Variants in SPTBN4 observed in about 807,000 individuals in gnomAD.
SPTBN4 encodes the protein spectrin beta, non-erythrocytic 4.
Under a neutral mutation model 277.8 loss-of-function variants are expected in SPTBN4, and 96 were observed. That is an observed-to-expected ratio of 0.35 (90% CI 0.29 to 0.41). The LOEUF is 0.41. Ranked by LOEUF, SPTBN4 falls within the 10% of genes least tolerant of loss-of-function variation. The probability of loss-of-function intolerance (pLI) is 1.00; values close to 1 mark genes in which losing one functional copy is unlikely to be tolerated. For synonymous variants in SPTBN4, 1,481 were observed against 1,580.3 expected, an observed-to-expected ratio of 0.94 and a Z score of 1.49; for missense variants, 3,006 against 3,595.7, an observed-to-expected ratio of 0.84 and a Z score of 4.19.
intron 22 of SPTBN4, among the ~76,000 whole-genome samples, chr19:40,552,795 G>A (rs1030668977): frequency 5.3e-5 from 8 of 152,294 alleles, no homozygotes; most frequent in Non-Finnish European, 8.8e-5. Context: ...GCTTATCGTT[G>A]TCATGGTTGA....
intron 27 of SPTBN4, among the ~76,000 whole-genome samples, chr19:40,562,542 A>AAC (rs1436543667): frequency 6.7e-6 from 1 of 148,490 alleles, no homozygotes; most frequent in Admixed American, 6.7e-5. Context: ...AAAAAAAAAA[A>AAC]AAAAAAAAAA....
rs56723128 is a variant in SPTBN4 at position 40,471,906 on chromosome 19, T to C, written c.-15-701T>C. 3.7e-3 allele frequency among the ~76,000 whole-genome samples: 100 copies of C among 27,150 alleles called. 2 individuals are homozygous for C. The highest frequency in any genetic ancestry group is 0.011 in the African/African-American group (29 of 2,600). 17.8% of individuals were successfully genotyped at this position (27,150 alleles called of 152,430 possible). A position where few individuals can be genotyped will look rare whatever the true frequency, so the allele number is the denominator to read the frequency against. On this transcript the variant is annotated intron_variant, in intron 1 of 35. Coordinates refer to ENST00000598249, the MANE Select transcript of SPTBN4 (RefSeq NM_020971.3). ...GGCACGTTGCCACCACATCCAGCTA[T>C]TTTTTTTTTTTTTTTTTTTTTGAGA... is the stretch of plus-strand genomic sequence containing the variant.
At position 40,524,406 on chromosome 19, in the gene SPTBN4, C is replaced by G. The variant is rs2080565497; in HGVS notation, c.3857+767C>G. The G allele has an allele frequency of 3.1e-5, 8 of 259,868 alleles. No individual in the cohort carries two copies. In the Admixed American group the frequency reaches 4.1e-4, roughly 13 times the overall value. The allele number at this position is 259,868 out of a possible 1,614,324, so 16.1% of individuals were successfully genotyped here. ...CCTGTAGTCCCAGCTACTCTTGAGG[C>G]TGAGATGGGAGGACTGTTTGAGTCC... is the stretch of plus-strand genomic sequence containing the variant. On this transcript the variant is annotated intron_variant, in intron 17 of 35. Coordinates refer to ENST00000598249, the MANE Select transcript of SPTBN4 (RefSeq NM_020971.3).
chr19:40,498,439 T>C (rs549828480), intron 7 of SPTBN4, among the ~76,000 whole-genome samples: 13 of 151,736 alleles, frequency 8.6e-5, no homozygotes, highest in Non-Finnish European at 1.8e-4. Flanking sequence ...GGAGTCTCAC[T>C]CTGTCGCCCA....
At chr19:40,516,016 C>CATATATGTAT (rs1568798653) in intron 15 of SPTBN4, among the ~76,000 whole-genome samples, 3 of 135,204 alleles carry the variant, frequency 2.2e-5, no homozygotes, top group South Asian at 2.5e-4. Flanking sequence ...TATATACACA[C>CATATATGTAT]ATATACGTAT....
In SPTBN4 at chr19:40,501,913, G is replaced by A; in HGVS notation, c.785-8G>A. 6.2e-7 allele frequency: 1 copy of A among 1,613,356 alleles called. No homozygotes were observed. Among genetic ancestry groups the A allele is most frequent in the Non-Finnish European group, 8.5e-7 (1 of 1,179,392 alleles). The stretch of plus-strand genomic sequence containing the variant: ...CTGTCTTGTTTCCCCACTCCCTCTT[G>A]CTTCCAGATGTGAACATGGAGGCTC... On this transcript the variant is annotated splice_polypyrimidine_tract_variant and splice_region_variant and intron_variant, in intron 7 of 35. Transcript: ENST00000598249.
At chr19:40,491,713 CA>C (rs35237688) in intron 4 of SPTBN4, among the ~76,000 whole-genome samples, 3,537 of 38,626 alleles carry the variant, frequency 0.092, 33 homozygotes, top group South Asian at 0.19. Flanking sequence ...GACTCTGTCT[CA>C]AAAAAAAAAA....
At chr19:40,468,140 C>T (rs189261585) in intron 1 of SPTBN4, among the ~76,000 whole-genome samples, 231 of 151,436 alleles carry the variant, frequency 1.5e-3, no homozygotes, top group Non-Finnish European at 2.7e-3. Context: ...TGTAATGGCG[C>T]GATCTTGGCT....
At chr19:40,532,496 C>T in intron 18 of SPTBN4, 129 bp from the exon 19 acceptor site, 1 of 1,221,798 alleles carries the variant, frequency 8.2e-7, no homozygotes, top group Non-Finnish European at 1.1e-6. Context: ...AAGGTTTTTT[C>T]ATCCTTTCCT....
intron 2 of SPTBN4, among the ~76,000 whole-genome samples, chr19:40,476,330 AG>A (rs1291575527): frequency 6.8e-6 from 1 of 146,156 alleles, no homozygotes; most frequent in Non-Finnish European, 1.5e-5. Flanking sequence ...GGGCGTCAAT[AG>A]CAAAACTCTG....
At chr19:40,468,530 C>T (rs2079851688) in intron 1 of SPTBN4, among the ~76,000 whole-genome samples, 1 of 152,236 alleles carries the variant, frequency 6.6e-6, no homozygotes, top group Non-Finnish European at 1.5e-5. Flanking sequence ...ACACGTGCCA[C>T]CACGCCTGGC....
intron 7 of SPTBN4, among the ~76,000 whole-genome samples, chr19:40,497,817 A>G (rs191159284): frequency 1.3e-3 from 186 of 142,802 alleles, no homozygotes; most frequent in Non-Finnish European, 2.0e-3. Flanking sequence ...CCATCCTCAC[A>G]CCTCTTCCTC....
chr19:40,497,968 C>G (rs1452058330), intron 7 of SPTBN4, among the ~76,000 whole-genome samples: 1 of 151,746 alleles, frequency 6.6e-6, no homozygotes, highest in Non-Finnish European at 1.5e-5. Flanking sequence ...GCCCCAAACC[C>G]AGTGGCATCT....
At chr19:40,474,160 A>G (rs1338379788) in intron 2 of SPTBN4, among the ~76,000 whole-genome samples, 1 of 148,864 alleles carries the variant, frequency 6.7e-6, no homozygotes, top group African/African-American at 2.5e-5. Flanking sequence ...TCAAAAAAAA[A>G]AAAAAAAAAA....
intron 35 of SPTBN4, among the ~76,000 whole-genome samples, chr19:40,573,100 G>C (rs938331141): frequency 6.6e-6 from 1 of 152,188 alleles, no homozygotes; most frequent in African/African-American, 2.4e-5. Flanking sequence ...TTGAGCCCAG[G>C]ACTTCAAGAT....
chr19:40,556,402 G>A, intron 25 of SPTBN4, 114 bp downstream of exon 25: 1 of 943,278 alleles, frequency 1.1e-6, no homozygotes, highest in Non-Finnish European at 1.6e-6. Flanking sequence ...TGGCTCTGCT[G>A]TGAGACAAAT....
intron 20 of SPTBN4, among the ~76,000 whole-genome samples, chr19:40,547,284 G>C (rs1236855065): frequency 1.3e-5 from 2 of 150,102 alleles, no homozygotes; most frequent in Non-Finnish European, 2.9e-5. Context: ...GTGGTGTTTG[G>C]TTTTCTGTCC....
rs766271068 is a variant in SPTBN4, at chr19:40,532,791, C to T, written c.4095+20C>T. 3 of 1,599,678 alleles carry T rather than the reference C, an allele frequency of 1.9e-6. No individual in the cohort carries two copies. In the East Asian group the frequency reaches 6.7e-5, roughly 36 times the overall value. On this transcript the variant is annotated intron_variant, in intron 19 of 35. Coordinates refer to ENST00000598249, the MANE Select transcript of SPTBN4 (RefSeq NM_020971.3). ...GAGCGGGTGAGGAAGCTGATGGCCC[C>T]TCTGCCTGTGCCAGGTGCAGGAGGC...
chr19:40,566,134 GA>G, intron 29 of SPTBN4, 28 bp from the exon 30 acceptor site: 1 of 1,467,446 alleles, frequency 6.8e-7, no homozygotes. Flanking sequence ...AGATGCCCCA[GA>G]ATCCTTACCC....
Sources: gnomAD v4.1 joint callset for allele counts (sites outside exome capture counted in the v4.1 genomes callset) on GRCh38, gnomAD v4.1.1 for gene constraint, MANE v1.5 for transcripts, NCBI Gene and HGNC (gene_info 2026-07-23, HGNC 2026-07-21) for gene names.